CREB5: variants seen among roughly 807,000 people sequenced by gnomAD.
CREB5 encodes cyclic AMP-responsive element-binding protein 5.
In CREB5, 19 loss-of-function variants were observed where a neutral mutation model predicts 57.1. That is an observed-to-expected ratio of 0.33 (90% confidence interval 0.23 to 0.49). The LOEUF is 0.49. Ranked by LOEUF, CREB5 falls within the 20% of genes least tolerant of loss-of-function variation. The pLI is 0.99. For synonymous variants in CREB5, 238 were observed against 238.3 expected (o/e 1.00, Z 0.01); for missense variants, 579 against 671.6 (o/e 0.86, Z 1.52).
At position 28,804,372 on chromosome 7, in the gene CREB5, C is replaced by T. The variant is rs774538641; in HGVS notation, c.876C>T (p.His292=). 1.2e-6 allele frequency: 2 copies of T among 1,613,540 alleles called. No homozygotes were observed. The highest frequency in any genetic ancestry group is 1.3e-5 in the African/African-American group (1 of 74,868). Residue 292 remains histidine (H), a synonymous_variant, in exon 8 of 11, where the codon CAC becomes CAT. Transcript: ENST00000357727. ...TGCCACCCCATCACCCTTACCCACA[C>T]CAGCACCAGCACCCAGCACACCATC... is the stretch of plus-strand genomic sequence containing the variant. ...QTLPPHHPYP[H]QHQHPAHHPH...
chr7:28,572,907 T>C (rs909353720), intron 5 of CREB5, among the ~76,000 whole-genome samples: 4 of 152,226 alleles, frequency 2.6e-5, no homozygotes, highest in African/African-American at 7.2e-5. Flanking sequence ...TCCTGGTGTG[T>C]TCTAGGAGAT....
At chr7:28,416,303 C>T (rs1246891035) in intron 1 of CREB5, among the ~76,000 whole-genome samples, 2 of 152,192 alleles carry the variant, frequency 1.3e-5, no homozygotes, top group African/African-American at 4.8e-5. Flanking sequence ...GCAGTCCTCT[C>T]TCTGTTGGCT....
intron 7 of CREB5, among the ~76,000 whole-genome samples, chr7:28,798,198 C>T (rs2128796132): frequency 6.6e-6 from 1 of 152,320 alleles, no homozygotes; most frequent in South Asian, 2.1e-4. Context: ...ACCTTCCTCA[C>T]TCTCACTCAA....
chr7:28,525,063 G>A (rs1459825573), intron 4 of CREB5, among the ~76,000 whole-genome samples: 3 of 147,822 alleles, frequency 2.0e-5, no homozygotes, highest in Non-Finnish European at 3.0e-5. Context: ...CATCACAAGT[G>A]AGTGAGAACA....
At chr7:28,509,295 G>C (rs1792604839) in intron 4 of CREB5, among the ~76,000 whole-genome samples, 1 of 152,136 alleles carries the variant, frequency 6.6e-6, no homozygotes, top group Non-Finnish European at 1.5e-5. Flanking sequence ...GTCGGGGTGT[G>C]GTTTTAGATA....
intron 1 of CREB5, among the ~76,000 whole-genome samples, chr7:28,455,632 C>T (rs78681243): frequency 0.02 from 2,986 of 151,828 alleles, 52 homozygotes; most frequent in South Asian, 0.038. Flanking sequence ...CTGGACCTTC[C>T]GGCTCAGGAG....
chr7:28,437,707 T>G (rs1028056455), intron 1 of CREB5, among the ~76,000 whole-genome samples: 3 of 152,176 alleles, frequency 2.0e-5, no homozygotes, highest in East Asian at 1.9e-4. Context: ...TAAATGGAAT[T>G]AGAACTACAG....
intron 5 of CREB5, among the ~76,000 whole-genome samples, chr7:28,633,373 G>A (rs1040906317): frequency 1.6e-5 from 1 of 63,716 alleles, no homozygotes; most frequent in Non-Finnish European, 3.2e-5. Context: ...TCATTCATGT[G>A]TGTGTGTGTG....
intron 5 of CREB5, among the ~76,000 whole-genome samples, chr7:28,677,049 A>G (rs1562565432): frequency 1.3e-5 from 2 of 152,140 alleles, no homozygotes; most frequent in Non-Finnish European, 2.9e-5. Flanking sequence ...ACTATAGCCA[A>G]TGTCTAAAGG....
chr7:28,588,801 T>C (rs1796391477), intron 5 of CREB5, among the ~76,000 whole-genome samples: 1 of 152,198 alleles, frequency 6.6e-6, no homozygotes, highest in Non-Finnish European at 1.5e-5. Context: ...TTACCTATTT[T>C]TGGCTTCTGT....
chr7:28,745,331 G>A (rs1804630251), intron 7 of CREB5, among the ~76,000 whole-genome samples: 1 of 152,208 alleles, frequency 6.6e-6, no homozygotes, highest in Non-Finnish European at 1.5e-5. Flanking sequence ...ACTGAACCAG[G>A]AATAGATTTT....
intron 4 of CREB5, among the ~76,000 whole-genome samples, chr7:28,524,174 T>C (rs1420051818): frequency 6.6e-6 from 1 of 152,186 alleles, no homozygotes; most frequent in Non-Finnish European, 1.5e-5. Context: ...TAGTATACAC[T>C]TCCTTTTAAA....
chr7:28,757,282 CA>C (rs1805379056), intron 7 of CREB5, among the ~76,000 whole-genome samples: 1 of 152,196 alleles, frequency 6.6e-6, no homozygotes, highest in South Asian at 2.1e-4. Flanking sequence ...GCAGAGCTGA[CA>C]TTTAAACCGA....
At chr7:28,678,841 T>C (rs1206271634) in intron 5 of CREB5, among the ~76,000 whole-genome samples, 4 of 152,150 alleles carry the variant, frequency 2.6e-5, no homozygotes, top group Admixed American at 2.6e-4. Context: ...GAGGGCGAAT[T>C]CTCCTTGCAG....
intron 1 of CREB5, among the ~76,000 whole-genome samples, chr7:28,484,523 C>G (rs980049410): frequency 6.6e-6 from 1 of 152,186 alleles, no homozygotes; most frequent in Non-Finnish European, 1.5e-5. Flanking sequence ...AGTTCACACA[C>G]TTACAAATAC....
intron 5 of CREB5, among the ~76,000 whole-genome samples, chr7:28,658,118 C>T (rs1217860378): frequency 6.6e-6 from 1 of 152,270 alleles, no homozygotes; most frequent in East Asian, 1.9e-4. Flanking sequence ...AAAATAAATA[C>T]ACTCATAAGG....
At chr7:28,411,259 A>G (rs751619383), upstream of CREB5, among the ~76,000 whole-genome samples, 20 of 152,224 alleles carry the variant, frequency 1.3e-4, no homozygotes, top group Non-Finnish European at 2.6e-4. Flanking sequence ...CACTTTACGT[A>G]GTGCCTGCCC....
At chr7:28,564,022 T>G (rs1795384538) in intron 4 of CREB5, among the ~76,000 whole-genome samples, 1 of 152,160 alleles carries the variant, frequency 6.6e-6, no homozygotes. Flanking sequence ...GAATCAGGGC[T>G]CTTTAACATC....
At chr7:28,796,366 C>T (rs1416360705) in intron 7 of CREB5, among the ~76,000 whole-genome samples, 1 of 152,138 alleles carries the variant, frequency 6.6e-6, no homozygotes, top group Admixed American at 6.5e-5. Context: ...GTCCGTGTTT[C>T]ATTCCTTTGT....
Sources: allele counts gnomAD v4.1 joint callset (sites outside exome capture counted in the v4.1 genomes callset), GRCh38; gene constraint gnomAD v4.1.1; transcripts MANE v1.5; gene names NCBI Gene and HGNC (gene_info 2026-07-23, HGNC 2026-07-21).